FSTL5: variants seen among roughly 807,000 people sequenced by gnomAD.
FSTL5 encodes follistatin-related protein 5.
FSTL5 carries 62 observed loss-of-function variants against 89.1 expected under a neutral mutation model. The ratio of observed to expected loss-of-function variants is 0.70; its 90% CI spans 0.57 to 0.86. The LOEUF is 0.86. FSTL5 is among the 40% of genes least tolerant of loss of function. FSTL5 has a pLI of 0.00. For synonymous variants in FSTL5, 383 were observed against 346.2 expected, an observed-to-expected ratio of 1.11 and a Z score of -1.18; for missense variants, 1,057 against 1,001.6, an observed-to-expected ratio of 1.06 and a Z score of -0.75.
intron 4 of FSTL5, among the ~76,000 whole-genome samples, chr4:161,863,403 C>T (rs1045675190): frequency 4.6e-5 from 7 of 152,004 alleles, no homozygotes; most frequent in Admixed American, 2.6e-4. Flanking sequence ...TGCTTTTATT[C>T]GGGTCATGGG....
At chr4:161,553,544 A>G (rs1332719632) in intron 8 of FSTL5, among the ~76,000 whole-genome samples, 1 of 151,352 alleles carries the variant, frequency 6.6e-6, no homozygotes, top group African/African-American at 2.4e-5. Context: ...TCTCTTTTCT[A>G]TATTACACAT....
At chr4:161,984,870 T>C (rs1211777666) in intron 3 of FSTL5, among the ~76,000 whole-genome samples, 2 of 152,146 alleles carry the variant, frequency 1.3e-5, no homozygotes, top group Non-Finnish European at 2.9e-5. Context: ...TTGGCCCTAG[T>C]CAGAACCACT....
chr4:161,991,337 C>A (rs111288384), intron 3 of FSTL5, among the ~76,000 whole-genome samples: 11 of 152,170 alleles, frequency 7.2e-5, no homozygotes, highest in African/African-American at 1.9e-4. Flanking sequence ...ATCAAAATCA[C>A]GAAGTTGTTT....
intron 3 of FSTL5, among the ~76,000 whole-genome samples, chr4:161,957,585 T>C (rs1735058119): frequency 1.3e-5 from 2 of 152,048 alleles, no homozygotes; most frequent in Admixed American, 1.3e-4. Flanking sequence ...AACAGCTTGC[T>C]GAAGGGGGGA....
chr4:162,121,388 C>A (rs138145525), intron 1 of FSTL5, among the ~76,000 whole-genome samples: 16 of 152,016 alleles, frequency 1.1e-4, no homozygotes, highest in Admixed American at 1.0e-3. Context: ...CAAAACAAGT[C>A]CCTGGACTGC....
In FSTL5 at chr4:162,102,511, T is replaced by C. The variant is rs188549513; in HGVS notation, c.126+8760A>G. On this transcript the variant is annotated intron_variant, in intron 2 of 15. Coordinates refer to ENST00000306100, the MANE Select transcript of FSTL5 (RefSeq NM_020116.5). ...TGATGTTTTCTACCACCCAAATATATATTTTCAAGTGACCTGAAACACAGT... is the reference window on the plus strand; with the variant it reads ...TGATGTTTTCTACCACCCAAATATACATTTTCAAGTGACCTGAAACACAGT... 2.0e-4 allele frequency among the ~76,000 whole-genome samples: 30 copies of C among 148,778 alleles called. No individual in the cohort carries two copies. In the East Asian group the frequency reaches 5.1e-3, roughly 25 times the overall value.
In FSTL5 at chr4:161,571,421, A is replaced by T. The variant is rs541760626; in HGVS notation, c.1015+16034T>A. Among the ~76,000 whole-genome samples the T allele has an allele frequency of 5.9e-5, 9 of 152,192 alleles. No homozygotes were observed. In the East Asian group the frequency reaches 1.7e-3, roughly 29 times the overall value. On this transcript the variant is annotated intron_variant, in intron 8 of 15. Transcript: ENST00000306100. ...GAGAGAGAAATAAAAAGGAAGGAAG[A>T]CAAATTTCTAGCAGACGGCCCTCCC...
chr4:161,952,251 A>T (rs1734916453), intron 3 of FSTL5, among the ~76,000 whole-genome samples: 1 of 152,036 alleles, frequency 6.6e-6, no homozygotes, highest in Admixed American at 6.6e-5. Flanking sequence ...GACACTTGTC[A>T]GCCACAATCG....
At chr4:162,152,539 G>A (rs1733269913) in intron 1 of FSTL5, among the ~76,000 whole-genome samples, 1 of 151,782 alleles carries the variant, frequency 6.6e-6, no homozygotes, top group South Asian at 2.1e-4. Context: ...CACACTATTT[G>A]AATAAACAAA....
intron 8 of FSTL5, among the ~76,000 whole-genome samples, chr4:161,572,046 G>A (rs1372751474): frequency 2.6e-5 from 4 of 151,866 alleles, no homozygotes; most frequent in East Asian, 1.9e-4. Context: ...ATGGTGGCTC[G>A]CACCTGTAAT....
intron 6 of FSTL5, among the ~76,000 whole-genome samples, chr4:161,749,095 C>T (rs1015554518): frequency 6.6e-6 from 1 of 152,098 alleles, no homozygotes; most frequent in Non-Finnish European, 1.5e-5. Context: ...ATTAGTTCAA[C>T]CACTATGGAA....
At chr4:162,020,933 TTTTTAAATG>T (rs1308775203) in intron 3 of FSTL5, among the ~76,000 whole-genome samples, 2 of 152,156 alleles carry the variant, frequency 1.3e-5, no homozygotes, top group African/African-American at 2.4e-5. Flanking sequence ...TTAATTTTAC[TTTTTAAATG>T]TTTTAAATTG....
At chr4:161,962,347 T>G (rs1260266851) in intron 3 of FSTL5, among the ~76,000 whole-genome samples, 1 of 152,030 alleles carries the variant, frequency 6.6e-6, no homozygotes, top group Non-Finnish European at 1.5e-5. Context: ...TGTATAATTA[T>G]TTTGATACGA....
intron 1 of FSTL5, among the ~76,000 whole-genome samples, chr4:162,135,270 T>G (rs982510180): frequency 1.3e-5 from 2 of 152,056 alleles, no homozygotes; most frequent in African/African-American, 4.8e-5. Flanking sequence ...TTATTTATAT[T>G]TAAAACATAA....
At chr4:161,445,621 T>C (rs112004096) in intron 15 of FSTL5, among the ~76,000 whole-genome samples, 293 of 152,116 alleles carry the variant, frequency 1.9e-3, no homozygotes, top group African/African-American at 6.9e-3. Context: ...TTCAAATTTA[T>C]CTGTTAAAAT....
chr4:161,779,350 A>T (rs1190438825), intron 4 of FSTL5, among the ~76,000 whole-genome samples: 2 of 152,122 alleles, frequency 1.3e-5, no homozygotes, highest in Non-Finnish European at 2.9e-5. Flanking sequence ...ATTTTTTGTG[A>T]ATTTATTAGT....
At chr4:161,586,629 T>G (rs1170253416) in intron 8 of FSTL5, among the ~76,000 whole-genome samples, 1 of 152,238 alleles carries the variant, frequency 6.6e-6, no homozygotes, top group Non-Finnish European at 1.5e-5. Context: ...TATTTTAAAA[T>G]AAATCAGAAT....
intron 2 of FSTL5, among the ~76,000 whole-genome samples, chr4:162,084,900 T>C (rs887776768): frequency 2.0e-5 from 3 of 152,102 alleles, no homozygotes; most frequent in African/African-American, 7.2e-5. Flanking sequence ...TCTGCATATG[T>C]ACCCCAGAAC....
chr4:161,815,963 G>A (rs1168107543), intron 4 of FSTL5, among the ~76,000 whole-genome samples: 3 of 152,170 alleles, frequency 2.0e-5, no homozygotes, highest in Non-Finnish European at 2.9e-5. Context: ...AAAATACAGT[G>A]TCTTGAAAGC....
Sources: allele counts gnomAD v4.1 joint callset (sites outside exome capture counted in the v4.1 genomes callset), GRCh38; gene constraint gnomAD v4.1.1; transcripts MANE v1.5; gene names NCBI Gene and HGNC (gene_info 2026-07-23, HGNC 2026-07-21).